EFCAB11: variants seen among roughly 807,000 people sequenced by gnomAD.
The protein encoded by EFCAB11 is EF-hand calcium binding domain 11.
A neutral mutation model predicts 23.0 loss-of-function variants in EFCAB11; 14 were observed. That is an observed-to-expected ratio of 0.61 (90% CI 0.40 to 0.95). EFCAB11 has a LOEUF of 0.95. EFCAB11 is among the 40% of genes least tolerant of loss of function. EFCAB11 has a pLI of 0.00. For synonymous variants in EFCAB11, 65 were observed against 66.6 expected, an observed-to-expected ratio of 0.98 and a Z score of 0.11; for missense variants, 198 against 195.8, an observed-to-expected ratio of 1.01 and a Z score of -0.07.
chr14:89,804,869 T>C (rs184871274), intron 5 of EFCAB11, among the ~76,000 whole-genome samples: 1 of 152,218 alleles, frequency 6.6e-6, no homozygotes, highest in Non-Finnish European at 1.5e-5. Context: ...TTCTTTTTAC[T>C]GTCTAATATA....
chr14:89,894,702 C>T (rs573488795), intron 5 of EFCAB11, among the ~76,000 whole-genome samples: 12 of 152,164 alleles, frequency 7.9e-5, no homozygotes, highest in Admixed American at 2.0e-4. Flanking sequence ...AGGATTGGAA[C>T]GGAAGAAATA....
intron 5 of EFCAB11, among the ~76,000 whole-genome samples, chr14:89,887,395 T>C (rs965814730): frequency 2.0e-5 from 3 of 152,212 alleles, no homozygotes; most frequent in Non-Finnish European, 2.9e-5. Context: ...AAATTAGACA[T>C]AAGCTTTCTA....
intron 5 of EFCAB11, among the ~76,000 whole-genome samples, chr14:89,880,259 TCCA>T (rs1361743262): frequency 6.6e-6 from 1 of 152,168 alleles, no homozygotes; most frequent in Non-Finnish European, 1.5e-5. Flanking sequence ...CTTGTTCCTT[TCCA>T]CCATGTGACA....
intron 5 of EFCAB11, among the ~76,000 whole-genome samples, chr14:89,882,228 T>C (rs1333930202): frequency 6.6e-6 from 1 of 152,226 alleles, no homozygotes; most frequent in Non-Finnish European, 1.5e-5. Context: ...TTCAATGCAT[T>C]ATAAACTCTT....
chr14:89,815,483 G>A (rs918296878), intron 5 of EFCAB11, among the ~76,000 whole-genome samples: 13 of 151,910 alleles, frequency 8.6e-5, no homozygotes, highest in African/African-American at 2.9e-4. Context: ...CTGGAGTGCA[G>A]TGGTGTGATC....
At chr14:89,850,534 T>C (rs1887572178) in intron 5 of EFCAB11, among the ~76,000 whole-genome samples, 1 of 152,232 alleles carries the variant, frequency 6.6e-6, no homozygotes, top group Non-Finnish European at 1.5e-5. Context: ...TGAGAGGTGC[T>C]GCTCTGCATA....
chr14:89,934,099 T>G (rs565252233), intron 3 of EFCAB11, among the ~76,000 whole-genome samples: 1 of 152,166 alleles, frequency 6.6e-6, no homozygotes, highest in Non-Finnish European at 1.5e-5. Flanking sequence ...TCACAGGCTC[T>G]TGTGGGCCAC....
At position 89,796,030 on chromosome 14, in the gene EFCAB11, G is replaced by T. The variant is rs1263371874; in HGVS notation, c.*1213C>A. The T allele has an allele frequency of 1.3e-5, 2 of 152,312 alleles. No individual in the cohort carries two copies. Among genetic ancestry groups the T allele is most frequent in the East Asian group, 1.9e-4 (1 of 5,180 alleles). 9.4% of individuals were successfully genotyped at this position (152,312 alleles called of 1,614,324 possible). On this transcript the variant is annotated 3_prime_UTR_variant, in exon 6 of 6. Coordinates refer to ENST00000316738, the MANE Select transcript of EFCAB11 (RefSeq NM_145231.4). ...GCAGGACGTGACTGCTAGAAACCAG[G>T]GGGTATGGAGCAGAGGGCAGCTGAG...
At chr14:89,936,316 T>A (rs575753558) in intron 3 of EFCAB11, among the ~76,000 whole-genome samples, 2 of 152,346 alleles carry the variant, frequency 1.3e-5, no homozygotes, top group Middle Eastern at 3.4e-3. Context: ...TTAAATTACA[T>A]ATTCAGATAA....
chr14:89,896,171 G>C (rs954232211), intron 5 of EFCAB11, among the ~76,000 whole-genome samples: 3 of 152,170 alleles, frequency 2.0e-5, no homozygotes, highest in Non-Finnish European at 4.4e-5. Flanking sequence ...GGACCACGAG[G>C]TCAGGAGATG....
At chr14:89,799,964 T>A (rs1276079794) in intron 5 of EFCAB11, among the ~76,000 whole-genome samples, 3 of 152,124 alleles carry the variant, frequency 2.0e-5, no homozygotes, top group Non-Finnish European at 4.4e-5. Context: ...GGCGGGTGGA[T>A]CACCTGAGGT....
At chr14:89,889,007 C>T (rs770717032) in intron 5 of EFCAB11, among the ~76,000 whole-genome samples, 1 of 152,036 alleles carries the variant, frequency 6.6e-6, no homozygotes, top group Non-Finnish European at 1.5e-5. Context: ...GGTCAAGGAC[C>T]AGACAAATGG....
intron 5 of EFCAB11, among the ~76,000 whole-genome samples, chr14:89,852,302 A>G (rs552401068): frequency 1.3e-5 from 2 of 152,358 alleles, no homozygotes; most frequent in Non-Finnish European, 1.5e-5. Flanking sequence ...GGAAAACCAC[A>G]CACAAAATGG....
intron 5 of EFCAB11, among the ~76,000 whole-genome samples, chr14:89,858,670 T>TTC (rs1027488459): frequency 1.4e-5 from 2 of 145,910 alleles, no homozygotes; most frequent in Non-Finnish European, 3.0e-5. Flanking sequence ...TTTTTTTTTT[T>TTC]TTTTTTTTTT....
chr14:89,947,377 G>T (rs1488415338), intron 3 of EFCAB11, among the ~76,000 whole-genome samples: 1 of 151,772 alleles, frequency 6.6e-6, no homozygotes, highest in African/African-American at 2.4e-5. Context: ...TTGGAAACAT[G>T]TTCTTCCATT....
At chr14:89,844,393 T>C (rs1397747250) in intron 5 of EFCAB11, among the ~76,000 whole-genome samples, 1 of 152,224 alleles carries the variant, frequency 6.6e-6, no homozygotes, top group African/African-American at 2.4e-5. Flanking sequence ...AAATAATTCA[T>C]ACAATTTTAC....
chr14:89,911,174 A>G (rs1889663142), intron 5 of EFCAB11, among the ~76,000 whole-genome samples: 1 of 152,188 alleles, frequency 6.6e-6, no homozygotes, highest in East Asian at 1.9e-4. Context: ...AAATTTGGGG[A>G]AAAAAGAACT....
At chr14:89,901,385 T>C (rs1027425628) in intron 5 of EFCAB11, among the ~76,000 whole-genome samples, 1 of 152,220 alleles carries the variant, frequency 6.6e-6, no homozygotes, top group Non-Finnish European at 1.5e-5. Context: ...TGCTCACTAA[T>C]TGAAATAATA....
chr14:89,893,541 G>A (rs988678892), intron 5 of EFCAB11, among the ~76,000 whole-genome samples: 1 of 151,916 alleles, frequency 6.6e-6, no homozygotes, highest in African/African-American at 2.4e-5. Context: ...TCCCTTCAGG[G>A]CAGCCCGTAT....
Sources: gnomAD v4.1 joint callset for allele counts (sites outside exome capture counted in the v4.1 genomes callset) on GRCh38, gnomAD v4.1.1 for gene constraint, MANE v1.5 for transcripts, NCBI Gene and HGNC (gene_info 2026-07-23, HGNC 2026-07-21) for gene names.